Variants in DBT observed in about 807,000 individuals in gnomAD.
The protein encoded by DBT is lipoamide acyltransferase component of branched-chain alpha-keto acid dehydrogenase complex, mitochondrial.
In DBT, 40 loss-of-function variants were observed where a neutral mutation model predicts 51.3. The ratio of observed to expected loss-of-function variants is 0.78; its 90% CI spans 0.61 to 1.02. DBT has a LOEUF of 1.02. Among genes scored for constraint, DBT ranks in the 50% least tolerant of loss-of-function variants. The pLI, the probability that DBT is intolerant of heterozygous loss-of-function variation, is 0.00. For synonymous variants in DBT, 181 were observed against 190.4 expected (o/e 0.95, Z 0.41); for missense variants, 510 against 580.2 (o/e 0.88, Z 1.24).
intron 2 of DBT, among the ~76,000 whole-genome samples, chr1:100,237,249 A>G (rs559584906): frequency 2.0e-5 from 3 of 152,324 alleles, no homozygotes; most frequent in African/African-American, 4.8e-5. Context: ...GAGTTGCCCC[A>G]TCGGAAACCC....
intron 1 of DBT, among the ~76,000 whole-genome samples, chr1:100,245,155 T>G (rs1664466911): frequency 6.6e-6 from 1 of 152,036 alleles, no homozygotes; most frequent in Non-Finnish European, 1.5e-5. Flanking sequence ...TTTTTAATTT[T>G]CTTCAAAGAC....
chr1:100,234,177 C>T (rs377694002), intron 3 of DBT, among the ~76,000 whole-genome samples: 3 of 152,050 alleles, frequency 2.0e-5, no homozygotes, highest in East Asian at 1.9e-4. Flanking sequence ...CTTAATATTT[C>T]GCAAAGAACT....
intron 4 of DBT, among the ~76,000 whole-genome samples, chr1:100,222,316 T>G (rs1468418867): frequency 6.6e-6 from 1 of 152,230 alleles, no homozygotes; most frequent in African/African-American, 2.4e-5. Flanking sequence ...ATTTCAATAT[T>G]ATAAAATCTA....
chr1:100,217,474 T>C (rs1174215338), intron 5 of DBT, among the ~76,000 whole-genome samples: 2 of 152,210 alleles, frequency 1.3e-5, no homozygotes, highest in African/African-American at 4.8e-5. Context: ...ATCTTCTAAT[T>C]TTTGGCTATA....
intron 8 of DBT, among the ~76,000 whole-genome samples, chr1:100,208,703 G>A (rs985418306): frequency 1.3e-4 from 20 of 150,776 alleles, no homozygotes; most frequent in Admixed American, 1.3e-3. Flanking sequence ...TTAGAGACCA[G>A]CCTGGGCAAC....
intron 4 of DBT, 109 bp from the exon 5 acceptor site, chr1:100,218,856 GT>G: frequency 1.4e-6 from 1 of 731,702 alleles, no homozygotes; most frequent in Non-Finnish European, 2.2e-6. Flanking sequence ...ATAAATTAAA[GT>G]TTATAGTCTA....
intron 4 of DBT, among the ~76,000 whole-genome samples, chr1:100,228,522 G>A (rs537372572): frequency 5.9e-5 from 9 of 152,312 alleles, no homozygotes; most frequent in African/African-American, 2.2e-4. Context: ...ACTTCAGGAG[G>A]ATGCGGCCAG....
intron 5 of DBT, 68 bp downstream of exon 5, chr1:100,218,558 C>G (rs922308596): frequency 8.9e-5 from 140 of 1,574,562 alleles, no homozygotes; most frequent in Non-Finnish European, 1.2e-4. Context: ...GGATAGTTGG[C>G]TAATTTTTCA....
chr1:100,214,929 A>G lies in DBT; in HGVS notation c.827T>C (p.Phe276Ser). 1 of 1,613,242 alleles carries G rather than the reference A, an allele frequency of 6.2e-7. No individual in the cohort carries two copies. Among genetic ancestry groups the G allele is most frequent in the Non-Finnish European group, 8.5e-7 (1 of 1,179,132 alleles). The change falls in exon 7 of 11, where the codon TTT becomes TCT. Residue 276 changes from phenylalanine (F) to serine (S), a missense_variant. By Grantham distance (155) the Phe-to-Ser change is radical. Coordinates refer to ENST00000370132, the MANE Select transcript of DBT (RefSeq NM_001918.5). The part of the protein sequence containing the change: ...TMSAALKIPH[F>S]GYCDEIDLTE... ...AAGGTCAATCTCATCACAATAACCA[A>G]AATGAGGTATCTTCAGGGCTGCAGA...
At chr1:100,215,122 C>T (rs1404389658) in intron 6 of DBT, 139 bp from the exon 7 acceptor site, 12 of 661,968 alleles carry the variant, frequency 1.8e-5, no homozygotes, top group Non-Finnish European at 2.6e-6. Flanking sequence ...TTACTACTCT[C>T]TTCATTACAT....
intron 10 of DBT, among the ~76,000 whole-genome samples, chr1:100,197,770 A>T (rs1311650082): frequency 6.6e-6 from 1 of 152,238 alleles, no homozygotes; most frequent in Non-Finnish European, 1.5e-5. Flanking sequence ...CTCAAGGTCA[A>T]CTAGTAGGTC....
rs554314708 is a variant in DBT at position 100,207,848 on chromosome 1, T to C, written c.1018-1212A>G. Among the ~76,000 whole-genome samples, 9 of 151,720 alleles carry C rather than the reference T, an allele frequency of 5.9e-5. 1 individual carries two copies. In the East Asian group the frequency reaches 1.2e-3, roughly 20 times the overall value. On this transcript the variant is annotated intron_variant, in intron 8 of 10. Coordinates refer to ENST00000370132, the MANE Select transcript of DBT (RefSeq NM_001918.5). ...TCAAAAAAAGAAAAAAAAAAAACTT[T>C]GTGGCCGGGCACAGTGGCTCACGCC...
chr1:100,214,804 G>T lies in DBT; in HGVS notation c.939+13C>A. 6.2e-7 allele frequency: 1 copy of T among 1,613,084 alleles called. No individual in the cohort carries two copies. The highest frequency in any genetic ancestry group is 1.1e-5 in the South Asian group (1 of 91,022). ...GTCCTACTCAAGCCTTGTTTGAAAT[G>T]AATGAATCTCACCTTTAAGAAGAAA... On this transcript the variant is annotated intron_variant, in intron 7 of 10. Transcript: ENST00000370132.
At chr1:100,196,644 C>T (rs1661126463) in intron 10 of DBT, among the ~76,000 whole-genome samples, 1 of 152,190 alleles carries the variant, frequency 6.6e-6, no homozygotes, top group African/African-American at 2.4e-5. Context: ...CTCCAAGGTA[C>T]TTCCTATCCC....
chr1:100,194,041 T>A lies in DBT; in HGVS notation c.*2214A>T, dbSNP rs1660939302. On this transcript the variant is annotated 3_prime_UTR_variant, in exon 11 of 11. Transcript: ENST00000370132. Reference sequence around the variant, plus strand: ...ATGTTTTAACAAAAAAGAATAGCCATACATACAGATAGATACATCAAAATG... The same window carrying A: ...ATGTTTTAACAAAAAAGAATAGCCAAACATACAGATAGATACATCAAAATG... The A allele has an allele frequency of 6.6e-6, 1 of 152,240 alleles. No homozygotes were observed. The allele number at this position is 152,240 out of a possible 1,614,324, so 9.4% of individuals were successfully genotyped here.
rs71084810 is a variant in DBT at position 100,226,283 on chromosome 1, CTTTTTTT to C, written c.433+4443_433+4449del. ...TTCTTTAAATTTTTCTAAATTATGC[CTTTTTTT>C]TTTTTTTTTTTTTGAGACAGGGTCC... On this transcript the variant is annotated intron_variant, in intron 4 of 10. Coordinates refer to ENST00000370132, the MANE Select transcript of DBT (RefSeq NM_001918.5). Among the ~76,000 whole-genome samples the C allele has an allele frequency of 4.6e-5, 4 of 86,648 alleles. No individual in the cohort carries two copies. In the South Asian group the frequency reaches 1.2e-3, roughly 26 times the overall value. The allele number at this position is 86,648 out of a possible 152,430, so 56.8% of individuals were successfully genotyped here.
At chr1:100,208,483 T>C (rs1661931047) in intron 8 of DBT, among the ~76,000 whole-genome samples, 1 of 152,194 alleles carries the variant, frequency 6.6e-6, no homozygotes, top group Admixed American at 6.5e-5. Flanking sequence ...CACAGGGATG[T>C]TGAGTACACA....
rs1210468310 is a variant in DBT, at chr1:100,187,799, A to T, written c.*8456T>A. On this transcript the variant is annotated 3_prime_UTR_variant, in exon 11 of 11. Transcript: ENST00000370132. ...AGGCAACTACAAAAATTGGTTTTTC[A>T]TATTTCTACAAATATTTTATGGAAT... The T allele has an allele frequency of 6.6e-6, 1 of 150,814 alleles. No homozygotes were observed. The highest frequency in any genetic ancestry group is 1.5e-5 in the Non-Finnish European group (1 of 67,872). 9.3% of individuals were successfully genotyped at this position (150,814 alleles called of 1,614,324 possible). A position where few individuals can be genotyped will look rare whatever the true frequency, so the allele number is the denominator to read the frequency against.
chr1:100,235,123 G>A (rs997473385), intron 3 of DBT, among the ~76,000 whole-genome samples: 5 of 152,042 alleles, frequency 3.3e-5, no homozygotes, highest in Non-Finnish European at 5.9e-5. Flanking sequence ...AACTGTATCA[G>A]GTAATGGTAA....
Sources: allele counts gnomAD v4.1 joint callset (sites outside exome capture counted in the v4.1 genomes callset), GRCh38; gene constraint gnomAD v4.1.1; transcripts MANE v1.5; gene names NCBI Gene and HGNC (gene_info 2026-07-23, HGNC 2026-07-21).